MFN1: variants seen among roughly 807,000 people sequenced by gnomAD.
The protein encoded by MFN1 is mitofusin 1, also known as mitofusin-1.
Under a neutral mutation model 92.4 loss-of-function variants are expected in MFN1, and 65 were observed. That is an observed-to-expected ratio of 0.70 (90% CI 0.58 to 0.86). MFN1 has a LOEUF of 0.86. Among genes scored for constraint, MFN1 ranks in the 40% least tolerant of loss-of-function variants. The probability of loss-of-function intolerance (pLI) is 0.00; values close to 1 mark genes in which losing one functional copy is unlikely to be tolerated. For missense variants in MFN1, 781 were observed against 868.0 expected (o/e 0.90, Z 1.26); for synonymous variants, 297 against 300.9 (o/e 0.99, Z 0.13).
At chr3:179,391,922 A>G in intron 17 of MFN1, 59 bp from the exon 18 acceptor site, 1 of 1,031,516 alleles carries the variant, frequency 9.7e-7, no homozygotes, top group Non-Finnish European at 1.5e-6. Context: ...AATGGATGGA[A>G]TGCATTTTTC....
chr3:179,374,372 TATATATAAC>T lies in MFN1; in HGVS notation c.976-831_976-823del, dbSNP rs919909514. 6.1e-3 allele frequency among the ~76,000 whole-genome samples: 797 copies of T among 130,428 alleles called. 11 individuals are homozygous for T. Among genetic ancestry groups the T allele is most frequent in the African/African-American group, 0.025 (759 of 29,970 alleles). 85.6% of individuals were successfully genotyped at this position (130,428 alleles called of 152,430 possible). ...ACATATATAACATATATATGTAATA[TATATATAAC>T]ATATATAACATATATATGTAATATA... On this transcript the variant is annotated intron_variant, in intron 9 of 17. Coordinates refer to ENST00000471841, the MANE Select transcript of MFN1 (RefSeq NM_033540.3).
intron 3 of MFN1, among the ~76,000 whole-genome samples, chr3:179,352,705 T>C (rs1253721953): frequency 6.6e-6 from 1 of 152,134 alleles, no homozygotes; most frequent in Non-Finnish European, 1.5e-5. Flanking sequence ...TGCCATTCCA[T>C]GCATTCCAGA....
intron 15 of MFN1, 34 bp downstream of exon 15, chr3:179,385,755 G>C (rs754845905): frequency 2.5e-6 from 4 of 1,598,904 alleles, no homozygotes; most frequent in Non-Finnish European, 3.4e-6. Flanking sequence ...AATTAAAATC[G>C]AAATGTTTGC....
At chr3:179,362,177 C>G (rs1417218110) in intron 4 of MFN1, among the ~76,000 whole-genome samples, 181 bp from the exon 5 acceptor site, 1 of 152,102 alleles carries the variant, frequency 6.6e-6, no homozygotes, top group Non-Finnish European at 1.5e-5. Context: ...TTTGAGGGAA[C>G]CATTTTTTTT....
At chr3:179,353,254 T>TG (rs1371009228) in intron 3 of MFN1, among the ~76,000 whole-genome samples, 1 of 146,398 alleles carries the variant, frequency 6.8e-6, no homozygotes, top group Non-Finnish European at 1.5e-5. Flanking sequence ...TTAGTAGAGA[T>TG]GGGGTTTCAC....
rs549352983 is a variant in MFN1 at position 179,394,490 on chromosome 3, A to T, written c.*2431A>T. The T allele has an allele frequency of 2.3e-5, 3 of 130,366 alleles. No homozygotes were observed. The highest frequency in any genetic ancestry group is 8.9e-5 in the African/African-American group (3 of 33,578). The allele number at this position is 130,366 out of a possible 1,614,324, so 8.1% of individuals were successfully genotyped here. ...GAGTGCAGTGGCGCGATCTCGGCTC[A>T]CTGCAAGCTCCGCCTCCCGGGTTCA... is the stretch of plus-strand genomic sequence containing the variant. On this transcript the variant is annotated 3_prime_UTR_variant, in exon 18 of 18. Coordinates refer to ENST00000471841, the MANE Select transcript of MFN1 (RefSeq NM_033540.3).
chr3:179,360,897 A>G (rs1712548575), intron 4 of MFN1, among the ~76,000 whole-genome samples: 1 of 152,182 alleles, frequency 6.6e-6, no homozygotes, highest in African/African-American at 2.4e-5. Context: ...TTGCAATCCT[A>G]GCACTTGAGC....
chr3:179,364,468 C>G, intron 6 of MFN1, 63 bp downstream of exon 6: 1 of 1,287,612 alleles, frequency 7.8e-7, no homozygotes, highest in Non-Finnish European at 1.1e-6. Flanking sequence ...TGTTTTAATT[C>G]TGAAAAGCAA....
At chr3:179,370,392 CT>C (rs34938438) in intron 9 of MFN1, among the ~76,000 whole-genome samples, 13,515 of 87,704 alleles carry the variant, frequency 0.15, 242 homozygotes, top group East Asian at 0.34. Context: ...TCACTAAGTT[CT>C]TTTTTTTTTT....
intron 9 of MFN1, 36 bp from the exon 10 acceptor site, chr3:179,375,184 A>G (rs1287396432): frequency 2.6e-6 from 4 of 1,548,830 alleles, no homozygotes; most frequent in Non-Finnish European, 1.7e-6. Flanking sequence ...TTGCGATGGA[A>G]TTACAGTAAT....
At chr3:179,349,226 T>G (rs1214095451) in intron 2 of MFN1, among the ~76,000 whole-genome samples, 1 of 152,318 alleles carries the variant, frequency 6.6e-6, no homozygotes, top group South Asian at 2.1e-4. Flanking sequence ...AATAGTTCAT[T>G]TAATTTTCAT....
intron 3 of MFN1, among the ~76,000 whole-genome samples, chr3:179,356,815 CTG>C (rs541898427): frequency 3.3e-5 from 5 of 152,164 alleles, no homozygotes; most frequent in Admixed American, 3.3e-4. Flanking sequence ...GGGACCCAAA[CTG>C]TAACTATAGG....
At chr3:179,368,905 A>G (rs567857354) in intron 9 of MFN1, among the ~76,000 whole-genome samples, 1 of 152,340 alleles carries the variant, frequency 6.6e-6, no homozygotes, top group South Asian at 2.1e-4. Context: ...TAACTGCTTT[A>G]ATGTAAAGGG....
chr3:179,367,743 T>G, intron 8 of MFN1, 151 bp downstream of exon 8: 2 of 572,318 alleles, frequency 3.5e-6, no homozygotes, highest in Non-Finnish European at 5.5e-6. Context: ...GCCAACATGG[T>G]GAAACCCCAT....
chr3:179,365,492 A>G (rs1712751559), intron 7 of MFN1, among the ~76,000 whole-genome samples: 1 of 152,228 alleles, frequency 6.6e-6, no homozygotes, highest in Non-Finnish European at 1.5e-5. Context: ...ACAGAAAAGT[A>G]CATAAATCGT....
chr3:179,384,420 T>C (rs1300742601), intron 14 of MFN1, among the ~76,000 whole-genome samples: 1 of 152,182 alleles, frequency 6.6e-6, no homozygotes, highest in Middle Eastern at 3.2e-3. Flanking sequence ...ACATCTTTTT[T>C]GTGTGCTCAC....
intron 17 of MFN1, among the ~76,000 whole-genome samples, chr3:179,390,612 G>T (rs1336271392): frequency 6.6e-6 from 1 of 152,034 alleles, no homozygotes; most frequent in Non-Finnish European, 1.5e-5. Context: ...TATTATTTAG[G>T]GTCTAATAAA....
At chr3:179,389,589 C>T (rs1435558102) in intron 16 of MFN1, among the ~76,000 whole-genome samples, 2 of 152,108 alleles carry the variant, frequency 1.3e-5, no homozygotes, top group Non-Finnish European at 2.9e-5. Context: ...TATGAATTAG[C>T]CCTCAAATAT....
chr3:179,361,199 C>A (rs1236231213), intron 4 of MFN1, among the ~76,000 whole-genome samples: 1 of 152,184 alleles, frequency 6.6e-6, no homozygotes, highest in Non-Finnish European at 1.5e-5. Context: ...TTTAGCAAAT[C>A]AAAATTCAAA....
Sources: allele counts gnomAD v4.1 joint callset (sites outside exome capture counted in the v4.1 genomes callset), GRCh38; gene constraint gnomAD v4.1.1; transcripts MANE v1.5; gene names NCBI Gene and HGNC (gene_info 2026-07-23, HGNC 2026-07-21).